IGF2BP1: variants seen among roughly 807,000 people sequenced by gnomAD.
IGF2BP1 encodes insulin-like growth factor 2 mRNA-binding protein 1.
IGF2BP1 carries 11 observed loss-of-function variants against 74.9 expected under a neutral mutation model. The ratio of observed to expected loss-of-function variants is 0.15; its 90% CI spans 0.09 to 0.24. The LOEUF is 0.24. Among genes scored for constraint, IGF2BP1 ranks in the 10% least tolerant of loss-of-function variants. IGF2BP1 has a pLI of 1.00. For synonymous variants in IGF2BP1, 287 were observed against 281.8 expected (o/e 1.02, Z -0.18); for missense variants, 440 against 757.4 (o/e 0.58, Z 4.92).
At chr17:49,042,873 AG>A (rs2042067955) in intron 9 of IGF2BP1, among the ~76,000 whole-genome samples, 1 of 152,010 alleles carries the variant, frequency 6.6e-6, no homozygotes, top group Non-Finnish European at 1.5e-5. Context: ...TTTTGGAAAC[AG>A]GGTCTTGCTG....
Position 49,046,334 on chromosome 17 carries a change from G to T in IGF2BP1, c.1602G>T (p.Gln534His). ...PRDQTPDEND[Q>H]VIVKIIGHFY... ...ACCAGACCCCTGATGAGAACGACCA[G>T]GTCATCGTGAAAATCATCGGACATT... Residue 534 changes from glutamine (Q) to histidine (H), a missense_variant, in exon 14 of 15, where the codon CAG (glutamine) becomes CAT (histidine). Physicochemically the swap from Gln to His is conservative, Grantham distance 24. Transcript: ENST00000290341. 6.2e-7 allele frequency: 1 copy of T among 1,614,128 alleles called. No homozygotes were observed. Among genetic ancestry groups the T allele is most frequent in the South Asian group, 1.1e-5 (1 of 91,082 alleles).
At chr17:49,019,904 T>TTATATATATATATA (rs60753189) in intron 2 of IGF2BP1, among the ~76,000 whole-genome samples, 10 of 43,904 alleles carry the variant, frequency 2.3e-4, no homozygotes, top group East Asian at 1.9e-3. Context: ...CCTGGCTAAT[T>TTATATATATATATA]TATATATATA....
chr17:49,019,974 ACAT>A, intron 2 of IGF2BP1, among the ~76,000 whole-genome samples: 1 of 81,618 alleles, frequency 1.2e-5, no homozygotes, highest in Non-Finnish European at 2.3e-5. Flanking sequence ...ACACACACAC[ACAT>A]ACACCCACAC....
chr17:49,035,653 C>T (rs1379280853), intron 5 of IGF2BP1, among the ~76,000 whole-genome samples: 1 of 152,144 alleles, frequency 6.6e-6, no homozygotes, highest in Non-Finnish European at 1.5e-5. Flanking sequence ...GGCTGGGGCA[C>T]CTGGGAACGG....
chr17:49,015,202 AC>A (rs1370712806), intron 2 of IGF2BP1, among the ~76,000 whole-genome samples: 4 of 152,052 alleles, frequency 2.6e-5, no homozygotes, highest in African/African-American at 7.2e-5. Context: ...CGAACTTCTG[AC>A]TTCAGATGAT....
chr17:49,016,385 T>C (rs1279781522), intron 2 of IGF2BP1, among the ~76,000 whole-genome samples: 1 of 152,178 alleles, frequency 6.6e-6, no homozygotes, highest in Non-Finnish European at 1.5e-5. Context: ...TGGTGACAGA[T>C]TAAGGTGTGT....
At chr17:49,028,775 T>C (rs1252025389) in intron 4 of IGF2BP1, among the ~76,000 whole-genome samples, 1 of 152,188 alleles carries the variant, frequency 6.6e-6, no homozygotes, top group Non-Finnish European at 1.5e-5. Flanking sequence ...TGAGGTCCAT[T>C]CTTTCTACCT....
chr17:49,019,749 A>C (rs2041753256), intron 2 of IGF2BP1, among the ~76,000 whole-genome samples: 1 of 150,594 alleles, frequency 6.6e-6, no homozygotes, highest in Admixed American at 6.6e-5. Context: ...CTTATACTTT[A>C]TTTATTTAGT....
chr17:49,011,722 C>A (rs1297175304), intron 2 of IGF2BP1, among the ~76,000 whole-genome samples: 1 of 151,832 alleles, frequency 6.6e-6, no homozygotes, highest in Non-Finnish European at 1.5e-5. Context: ...AGGTGATCCT[C>A]CAATACTCAG....
In IGF2BP1 at chr17:49,020,617, C is replaced by T. The variant is rs182240471; in HGVS notation, c.237-5001C>T. Among the ~76,000 whole-genome samples the T allele has an allele frequency of 3.5e-3, 531 of 152,258 alleles. 1 individual carries two copies. Among genetic ancestry groups the T allele is most frequent in the South Asian group, 5.8e-3 (28 of 4,824 alleles). On this transcript the variant is annotated intron_variant, in intron 2 of 14. Coordinates refer to ENST00000290341, the MANE Select transcript of IGF2BP1 (RefSeq NM_006546.4). ...GACAAAAAGCATTTGCCAAAGTAAA[C>T]TCACTTTAGGCTGGAGGACAAAATA... is the stretch of plus-strand genomic sequence containing the variant.
At chr17:49,046,470 G>A in intron 14 of IGF2BP1, 97 bp downstream of exon 14, 1 of 880,600 alleles carries the variant, frequency 1.1e-6, no homozygotes. Context: ...ACGTTGACAA[G>A]TCCTGGGGCC....
intron 2 of IGF2BP1, chr17:49,004,993 A>G (rs986809856): frequency 3.3e-5 from 5 of 152,236 alleles, no homozygotes; most frequent in Non-Finnish European, 7.3e-5. Context: ...ACTTCATTCT[A>G]CTAGGAGAAC....
At position 49,009,846 on chromosome 17, in the gene IGF2BP1, G is replaced by C. The variant is rs983904241; in HGVS notation, c.236+10677G>C. 1.4e-4 allele frequency among the ~76,000 whole-genome samples: 22 copies of C among 151,880 alleles called. 1 individual carries two copies. Among genetic ancestry groups the C allele is most frequent in the Non-Finnish European group, 1.5e-5 (1 of 67,984 alleles). On this transcript the variant is annotated intron_variant, in intron 2 of 14. Coordinates refer to ENST00000290341, the MANE Select transcript of IGF2BP1 (RefSeq NM_006546.4). ...TGTAATCCCAGCACTTTGGGAGGCC[G>C]AGGTGGGTGGATCACCTGAGGTCAG...
chr17:49,020,493 A>G (rs1157259058), intron 2 of IGF2BP1, among the ~76,000 whole-genome samples: 2 of 152,222 alleles, frequency 1.3e-5, no homozygotes, highest in Admixed American at 1.3e-4. Flanking sequence ...TCTAAGTCAC[A>G]CAGCCATGCA....
intron 2 of IGF2BP1, among the ~76,000 whole-genome samples, chr17:49,019,295 T>C (rs2041746008): frequency 6.6e-6 from 1 of 152,116 alleles, no homozygotes; most frequent in Admixed American, 6.5e-5. Flanking sequence ...CCTTCCTCCC[T>C]TGGAGCCCAA....
At chr17:49,025,856 TC>T (rs1240360154) in intron 3 of IGF2BP1, among the ~76,000 whole-genome samples, 190 bp downstream of exon 3, 2,141 of 83,036 alleles carry the variant, frequency 0.026, 103 homozygotes, top group African/African-American at 0.075. Context: ...TTCTTTTCTT[TC>T]TTTTTTTTTT....
intron 2 of IGF2BP1, among the ~76,000 whole-genome samples, chr17:49,009,103 C>T (rs2041585807): frequency 6.6e-6 from 1 of 152,122 alleles, no homozygotes; most frequent in South Asian, 2.1e-4. Flanking sequence ...TCTTGGCTCA[C>T]TGCAGCCTCT....
chr17:48,999,204 G>GA (rs1555593775), intron 2 of IGF2BP1, 35 bp downstream of exon 2: 3 of 374,652 alleles, frequency 8.0e-6, no homozygotes, highest in South Asian at 2.9e-5. Context: ...GGGTGGGGGG[G>GA]CCGCGGGGGT....
chr17:49,020,948 G>A (rs2041783825), intron 2 of IGF2BP1, among the ~76,000 whole-genome samples: 1 of 146,856 alleles, frequency 6.8e-6, no homozygotes, highest in Non-Finnish European at 1.5e-5. Flanking sequence ...CGAAAACATG[G>A]TGAGGCCCCG....
Sources: gnomAD v4.1 joint callset for allele counts (sites outside exome capture counted in the v4.1 genomes callset) on GRCh38, gnomAD v4.1.1 for gene constraint, MANE v1.5 for transcripts, NCBI Gene and HGNC (gene_info 2026-07-23, HGNC 2026-07-21) for gene names.